NDRG4: variants seen among roughly 807,000 people sequenced by gnomAD.
NDRG4 encodes the protein NDRG family member 4.
A neutral mutation model predicts 55.8 loss-of-function variants in NDRG4; 38 were observed. That is an observed-to-expected ratio of 0.68 (90% CI 0.53 to 0.89). The LOEUF (loss-of-function observed/expected upper bound fraction) is 0.89. Among genes scored for constraint, NDRG4 ranks in the 40% least tolerant of loss-of-function variants. NDRG4 has a pLI of 0.00. For synonymous variants in NDRG4, 190 were observed against 182.7 expected (o/e 1.04, Z -0.32); for missense variants, 455 against 468.6 (o/e 0.97, Z 0.27).
At chr16:58,483,035 C>T (rs956262502) in intron 1 of NDRG4, among the ~76,000 whole-genome samples, 11 of 152,290 alleles carry the variant, frequency 7.2e-5, no homozygotes, top group African/African-American at 2.4e-4. Flanking sequence ...ATCCACCTGC[C>T]TTGGCCTCCC....
intron 7 of NDRG4, 140 bp from the exon 8 acceptor site, chr16:58,506,769 ACCT>A: frequency 8.7e-7 from 1 of 1,148,356 alleles, no homozygotes; most frequent in East Asian, 2.6e-5. Flanking sequence ...AAGGCCCCAC[ACCT>A]CCTACCTGCC....
intron 1 of NDRG4, among the ~76,000 whole-genome samples, chr16:58,467,496 G>A (rs1213417453): frequency 6.6e-6 from 1 of 151,890 alleles, no homozygotes; most frequent in East Asian, 1.9e-4. Flanking sequence ...AACAGAGCAA[G>A]ACTCTGTCTC....
At chr16:58,509,581 G>A (rs1231950077) in intron 13 of NDRG4, among the ~76,000 whole-genome samples, 1 of 152,212 alleles carries the variant, frequency 6.6e-6, no homozygotes, top group Non-Finnish European at 1.5e-5. Context: ...TGCCCTTAGG[G>A]AGGACTTGGC....
intron 1 of NDRG4, among the ~76,000 whole-genome samples, chr16:58,482,884 G>A (rs2034633871): frequency 6.6e-6 from 1 of 151,978 alleles, no homozygotes; most frequent in Admixed American, 6.6e-5. Context: ...CCGGGCTCAA[G>A]TAATTCTCCT....
chr16:58,506,397 C>A lies in NDRG4; in HGVS notation c.383C>A (p.Pro128His), dbSNP rs747720542. The A allele has an allele frequency of 1.2e-6, 2 of 1,613,932 alleles. No individual in the cohort carries two copies. The highest frequency in any genetic ancestry group is 2.2e-5 in the South Asian group (2 of 91,066). Residue 128 changes from proline to histidine, a missense_variant, in exon 6 of 15, where the codon CCC becomes CAC. Coordinates refer to ENST00000570248, the MANE Select transcript of NDRG4 (RefSeq NM_001242835.2). ...CCCCTCTTACTGCAGCTCATCTTCC[C>A]CGACCTGGTGGAGGGGCTGGTGCTG... Reference protein sequence around the residue: ...YVLAKFALIFPDLVEGLVLVN... With the variant: ...YVLAKFALIFHDLVEGLVLVN...
At chr16:58,507,347 G>A in intron 8 of NDRG4, 3 of 427,422 alleles carry the variant, frequency 7.0e-6, no homozygotes, top group South Asian at 6.9e-5. Context: ...GAGGTCGGAT[G>A]AGCCTGTGGT....
intron 1 of NDRG4, among the ~76,000 whole-genome samples, chr16:58,482,060 C>T (rs747668880): frequency 9.9e-5 from 15 of 152,142 alleles, no homozygotes; most frequent in South Asian, 2.1e-4. Context: ...ACCAGGCCCA[C>T]GGCGCCTGGG....
In NDRG4 at chr16:58,504,175, T is replaced by G. The variant is rs777392151; in HGVS notation, c.149T>G (p.Phe50Cys). Residue 50 changes from phenylalanine to cysteine, a missense_variant, in exon 3 of 15, where the codon TTC becomes TGC. Phe to Cys is a radical substitution (Grantham distance 205). Coordinates refer to ENST00000570248, the MANE Select transcript of NDRG4 (RefSeq NM_001242835.2). The stretch of plus-strand genomic sequence containing the variant: ...GCAGACAAACTATGCTTCAACACCT[T>G]CTTCAACTTCGAGGACATGCAGGAG... Reference protein sequence around the residue: ...GLNHKLCFNTFFNFEDMQEIT... With the variant: ...GLNHKLCFNTCFNFEDMQEIT... 3.7e-6 allele frequency: 6 copies of G among 1,614,172 alleles called. No homozygotes were observed. The highest frequency in any genetic ancestry group is 5.1e-6 in the Non-Finnish European group (6 of 1,180,032).
intron 9 of NDRG4, 36 bp from the exon 10 acceptor site, chr16:58,507,912 A>T (rs1363234039): frequency 3.1e-6 from 5 of 1,613,216 alleles, no homozygotes; most frequent in African/African-American, 1.3e-5. Flanking sequence ...TGCCCCCATG[A>T]CCCAGCCAGA....
In NDRG4 at chr16:58,503,828, C is replaced by A; in HGVS notation, c.52C>A (p.Leu18Met). The A allele has an allele frequency of 6.2e-7, 1 of 1,614,024 alleles. No homozygotes were observed. The highest frequency in any genetic ancestry group is 8.5e-7 in the Non-Finnish European group (1 of 1,180,004). The change falls in exon 2 of 15, where the codon CTG (leucine) becomes ATG (methionine). Residue 18 changes from leucine to methionine, a missense_variant. Coordinates refer to ENST00000570248, the MANE Select transcript of NDRG4 (RefSeq NM_001242835.2). ...EHDIETPYGL[L>M]HVVIRGSPKG... ...TGACATCGAGACACCCTACGGCCTTCTGCATGTAGTGATCCGGGGCTCCCC... is the reference window on the plus strand; with the variant it reads ...TGACATCGAGACACCCTACGGCCTTATGCATGTAGTGATCCGGGGCTCCCC...
At chr16:58,482,644 TTC>T (rs1206968510) in intron 1 of NDRG4, among the ~76,000 whole-genome samples, 1 of 150,560 alleles carries the variant, frequency 6.6e-6, no homozygotes, top group Non-Finnish European at 1.5e-5. Context: ...CCTTCCTTCC[TTC>T]TCTCTTTTCT....
chr16:58,495,913 G>A (rs1414451753), upstream of NDRG4, among the ~76,000 whole-genome samples: 1 of 152,214 alleles, frequency 6.6e-6, no homozygotes, highest in Non-Finnish European at 1.5e-5. Context: ...AGCCCAGGAG[G>A]TGGGATGGGA....
intron 14 of NDRG4, chr16:58,510,902 AGCT>A: frequency 1.7e-6 from 1 of 596,466 alleles, no homozygotes; most frequent in Non-Finnish European, 3.0e-6. Context: ...GGTTGTCATG[AGCT>A]GCGTGGCTTC....
At chr16:58,500,742 G>C in intron 1 of NDRG4, 1 of 417,658 alleles carries the variant, frequency 2.4e-6, no homozygotes. Flanking sequence ...TGTGCGTGCC[G>C]GGTCTGTGCG....
chr16:58,506,245 G>C, intron 5 of NDRG4, 142 bp from the exon 6 acceptor site: 1 of 777,252 alleles, frequency 1.3e-6, no homozygotes, highest in Non-Finnish European at 2.3e-6. Context: ...GGACAGGCAG[G>C]GGCATCTGGA....
At chr16:58,487,126 G>A (rs989197261) in intron 1 of NDRG4, among the ~76,000 whole-genome samples, 2 of 152,168 alleles carry the variant, frequency 1.3e-5, no homozygotes, top group Non-Finnish European at 2.9e-5. Context: ...CTCCCTGCAC[G>A]TGCCCTTCTG....
Position 58,464,389 on chromosome 16 carries a change from C to A in NDRG4, c.-24+592C>A. On this transcript the variant is annotated intron_variant, in intron 1 of 15. Coordinates refer to the NDRG4 transcript ENST00000258187. The surrounding 1 kb of genome is among the most constrained non-coding windows in gnomAD (Gnocchi z 4.8). ...TCCCCGGCTCGGCCGAGCGCGCTGC[C>A]CCGACGCCGCCACCCAGAGCCGGGC... is the stretch of plus-strand genomic sequence containing the variant. 1.5e-6 allele frequency: 2 copies of A among 1,369,656 alleles called. No individual in the cohort carries two copies. Among genetic ancestry groups the A allele is most frequent in the Non-Finnish European group, 1.9e-6 (2 of 1,065,366 alleles). 84.8% of individuals were successfully genotyped at this position (1,369,656 alleles called of 1,614,324 possible). A position where few individuals can be genotyped will look rare whatever the true frequency, so the allele number is the denominator to read the frequency against.
At chr16:58,472,988 A>T (rs1298006569) in intron 1 of NDRG4, among the ~76,000 whole-genome samples, 2 of 152,100 alleles carry the variant, frequency 1.3e-5, no homozygotes, top group Non-Finnish European at 2.9e-5. Context: ...GTGCTGGGAC[A>T]TCTTCTTCCC....
At chr16:58,488,984 C>G (rs921110989) in intron 2 of NDRG4, among the ~76,000 whole-genome samples, 1 of 152,108 alleles carries the variant, frequency 6.6e-6, no homozygotes, top group Non-Finnish European at 1.5e-5. Flanking sequence ...TTTGCTTCTG[C>G]CTTCGCTCTG....
Sources: allele counts gnomAD v4.1 joint callset (sites outside exome capture counted in the v4.1 genomes callset), GRCh38; gene constraint gnomAD v4.1.1; non-coding constraint Gnocchi (gnomAD v3.1); transcripts MANE v1.5; gene names NCBI Gene and HGNC (gene_info 2026-07-23, HGNC 2026-07-21).